The following CLASP1 variants were observed in gnomAD, a reference collection of about 807,000 sequenced individuals.
CLASP1 encodes CLIP-associating protein 1.
Under a neutral mutation model 192.3 loss-of-function variants are expected in CLASP1, and 38 were observed. The observed-to-expected ratio is 0.20, with a 90% CI of 0.15 to 0.26. The LOEUF is 0.26. CLASP1 is among the 10% of genes least tolerant of loss of function. The pLI, the probability that CLASP1 is intolerant of heterozygous loss-of-function variation, is 1.00. For synonymous variants in CLASP1, 691 were observed against 712.8 expected (o/e 0.97, Z 0.49); for missense variants, 1,433 against 1,932.5 (o/e 0.74, Z 4.85).
Position 121,448,256 on chromosome 2 carries a change from T to C in CLASP1, c.1741+20A>G. On this transcript the variant is annotated intron_variant, in intron 18 of 39. Transcript: ENST00000263710. ...CCACCAGAGCGGAGAACAGGCCTTC[T>C]CCACGGCTGTCAGTCTCACCTCTAG... 6.2e-7 allele frequency: 1 copy of C among 1,611,306 alleles called. No individual in the cohort carries two copies. The highest frequency in any genetic ancestry group is 8.5e-7 in the Non-Finnish European group (1 of 1,177,392).
At chr2:121,647,696 T>C (rs2073422857) in intron 1 of CLASP1, among the ~76,000 whole-genome samples, 1 of 152,240 alleles carries the variant, frequency 6.6e-6, no homozygotes, top group African/African-American at 2.4e-5. Flanking sequence ...GAGATCTGGG[T>C]TTTCCGTTCT....
At chr2:121,345,960 C>T (rs2063402089) in intron 39 of CLASP1, among the ~76,000 whole-genome samples, 3 of 152,222 alleles carry the variant, frequency 2.0e-5, no homozygotes, top group Non-Finnish European at 4.4e-5. Context: ...AGAGTGTCAA[C>T]AGAGCCAAGG....
intron 23 of CLASP1, among the ~76,000 whole-genome samples, 162 bp downstream of exon 23, chr2:121,418,460 A>T (rs1356354875): frequency 1.3e-5 from 2 of 152,202 alleles, no homozygotes; most frequent in African/African-American, 4.8e-5. Flanking sequence ...CCAAAATTCA[A>T]GCATGCAGAG....
At chr2:121,593,574 G>A (rs193038467) in intron 2 of CLASP1, among the ~76,000 whole-genome samples, 10 of 142,466 alleles carry the variant, frequency 7.0e-5, no homozygotes, top group Non-Finnish European at 7.4e-5. Context: ...AGCTGAGATC[G>A]TGCCACTGCA....
Position 121,373,906 on chromosome 2 carries a change from G to C in CLASP1, c.3642+3593C>G, listed in dbSNP as rs13387746. On this transcript the variant is annotated intron_variant, in intron 34 of 39. Coordinates refer to ENST00000263710, the Ensembl canonical transcript of CLASP1. ...AAAGGAAGCAGAGTGTAAAAGTTTG[G>C]AAAATTTGCAGCCCAACCAGGCAGG... Among the ~76,000 whole-genome samples, 1,352 of 152,330 alleles carry C rather than the reference G, an allele frequency of 8.9e-3. 15 individuals carry two copies. The highest frequency in any genetic ancestry group is 0.03 in the African/African-American group (1,250 of 41,568).
chr2:121,565,648 G>A (rs766116658), intron 2 of CLASP1, among the ~76,000 whole-genome samples: 10 of 152,162 alleles, frequency 6.6e-5, no homozygotes, highest in Non-Finnish European at 1.3e-4. Flanking sequence ...GAGCTGCAGA[G>A]ACAGCTGATG....
chr2:121,514,842 G>A (rs961234742), intron 7 of CLASP1, among the ~76,000 whole-genome samples: 3 of 152,242 alleles, frequency 2.0e-5, no homozygotes, highest in African/African-American at 7.2e-5. Context: ...CAAGTCAGAA[G>A]AACAGGGTTT....
intron 2 of CLASP1, among the ~76,000 whole-genome samples, chr2:121,551,636 G>A (rs187948024): frequency 2.0e-4 from 31 of 152,072 alleles, no homozygotes; most frequent in East Asian, 7.7e-4. Context: ...GGAATACAGC[G>A]AACCAGGAAG....
chr2:121,512,713 C>G (rs1056475681), intron 7 of CLASP1, among the ~76,000 whole-genome samples: 1 of 152,104 alleles, frequency 6.6e-6, no homozygotes. Context: ...TTCTCAACTG[C>G]GAAATGGACA....
intron 20 of CLASP1, among the ~76,000 whole-genome samples, chr2:121,427,979 T>C (rs2080736632): frequency 6.6e-6 from 1 of 152,226 alleles, no homozygotes; most frequent in South Asian, 2.1e-4. Flanking sequence ...TACCACTTAT[T>C]AAAATAATTT....
rs529662755 is a variant in CLASP1, at chr2:121,599,641, C to T, written c.195+6060G>A. On this transcript the variant is annotated intron_variant, in intron 2 of 39. Coordinates refer to ENST00000263710, the Ensembl canonical transcript of CLASP1. ...AAGAAGCCAAGGTCCCAAGGTCAGG[C>T]ATGGTGGCTCACGCCTGTAATCCCA... is the stretch of plus-strand genomic sequence containing the variant. Among the ~76,000 whole-genome samples, 23 of 143,692 alleles carry T rather than the reference C, an allele frequency of 1.6e-4. No homozygotes were observed. The South Asian group carries it at 4.4e-3, about 28-fold the overall frequency. The allele number at this position is 143,692 out of a possible 152,430, so 94.3% of individuals were successfully genotyped here.
At chr2:121,398,545 T>C (rs1210076411) in intron 28 of CLASP1, 145 bp from the exon 30 acceptor site, 2 of 603,592 alleles carry the variant, frequency 3.3e-6, no homozygotes, top group East Asian at 5.6e-5. Context: ...TCGTTTTATG[T>C]AGAGTAATAC....
At chr2:121,468,199 TA>T (rs1375173870) in intron 9 of CLASP1, among the ~76,000 whole-genome samples, 1 of 152,204 alleles carries the variant, frequency 6.6e-6, no homozygotes, top group African/African-American at 2.4e-5. Flanking sequence ...GGTAGCCTTA[TA>T]GTATAAAGTT....
At chr2:121,342,506 T>C (rs1231997680) in intron 39 of CLASP1, among the ~76,000 whole-genome samples, 1 of 152,150 alleles carries the variant, frequency 6.6e-6, no homozygotes, top group Non-Finnish European at 1.5e-5. Flanking sequence ...TTTAGAGTTA[T>C]AAATGCTTAC....
chr2:121,625,989 C>T (rs1341815851), intron 1 of CLASP1, among the ~76,000 whole-genome samples: 1 of 151,744 alleles, frequency 6.6e-6, no homozygotes, highest in Non-Finnish European at 1.5e-5. Context: ...ATCCCAGCTA[C>T]TCGGGAGGCT....
At chr2:121,518,337 G>C (rs1430773842) in intron 6 of CLASP1, among the ~76,000 whole-genome samples, 12 of 151,300 alleles carry the variant, frequency 7.9e-5, no homozygotes. Flanking sequence ...AGAAGCCAGA[G>C]AGCTGGGTAC....
intron 8 of CLASP1, among the ~76,000 whole-genome samples, chr2:121,494,548 T>G (rs2093448590): frequency 6.6e-6 from 1 of 152,098 alleles, no homozygotes; most frequent in African/African-American, 2.4e-5. Context: ...CACAACAGGA[T>G]AACTACAGTC....
intron 19 of CLASP1, among the ~76,000 whole-genome samples, chr2:121,430,865 A>G (rs1471033684): frequency 6.6e-6 from 1 of 152,174 alleles, no homozygotes; most frequent in Non-Finnish European, 1.5e-5. Context: ...TGCTGTAGGC[A>G]GTTATGAAAA....
intron 2 of CLASP1, among the ~76,000 whole-genome samples, chr2:121,579,496 C>A (rs2060905504): frequency 6.6e-6 from 1 of 152,210 alleles, no homozygotes; most frequent in African/African-American, 2.4e-5. Flanking sequence ...CTCCTCCTCT[C>A]AGTCCCTGGC....
Sources: gnomAD v4.1 joint callset for allele counts (sites outside exome capture counted in the v4.1 genomes callset) on GRCh38, gnomAD v4.1.1 for gene constraint, MANE v1.5 for transcripts, NCBI Gene and HGNC (gene_info 2026-07-23, HGNC 2026-07-21) for gene names.